ARHGAP15: variants seen among roughly 807,000 people sequenced by gnomAD.
The protein encoded by ARHGAP15 is Rho GTPase activating protein 15.
ARHGAP15 carries 51 observed loss-of-function variants against 63.7 expected under a neutral mutation model. The observed-to-expected ratio is 0.80, with a 90% CI of 0.64 to 1.01. The LOEUF (loss-of-function observed/expected upper bound fraction) is 1.01. Ranked by LOEUF, ARHGAP15 falls within the 50% of genes least tolerant of loss-of-function variation. The pLI, the probability that ARHGAP15 is intolerant of heterozygous loss-of-function variation, is 0.00. For missense variants in ARHGAP15, 560 were observed against 564.6 expected (o/e 0.99, Z 0.08); for synonymous variants, 191 against 193.8 (o/e 0.99, Z 0.12).
At chr2:143,227,793 T>A (rs1273859324) in intron 4 of ARHGAP15, among the ~76,000 whole-genome samples, 1 of 152,198 alleles carries the variant, frequency 6.6e-6, no homozygotes, top group Non-Finnish European at 1.5e-5. Flanking sequence ...TGCAATTAAT[T>A]TCTATGCATA....
intron 9 of ARHGAP15, among the ~76,000 whole-genome samples, chr2:143,515,010 T>C (rs1693748274): frequency 1.3e-5 from 2 of 152,258 alleles, no homozygotes; most frequent in South Asian, 4.1e-4. Flanking sequence ...TACGAGATGG[T>C]TCCATGGCAA....
chr2:143,343,228 C>T (rs1417312226), intron 6 of ARHGAP15, among the ~76,000 whole-genome samples: 1 of 151,970 alleles, frequency 6.6e-6, no homozygotes, highest in African/African-American at 2.4e-5. Flanking sequence ...AGTAGGAGCT[C>T]ACCATGTGGA....
rs148946445 is a variant in ARHGAP15 at position 143,519,146 on chromosome 2, C to CA, written c.827-110dup. The CA allele has an allele frequency of 7.6e-3, 4,827 of 633,694 alleles. 44 individuals carry two copies. The highest frequency in any genetic ancestry group is 0.045 in the African/African-American group (2,359 of 52,254). 39.3% of individuals were successfully genotyped at this position (633,694 alleles called of 1,614,324 possible). On this transcript the variant is annotated intron_variant, in intron 9 of 13. Transcript: ENST00000295095. Reference sequence around the variant, plus strand: ...TGCCATAGACACTATGGAAATAAAGCAAAAAAAAAATCTTATGCAAGATGA... The same window carrying CA: ...TGCCATAGACACTATGGAAATAAAGCAAAAAAAAAAATCTTATGCAAGATGA...
Position 143,510,018 on chromosome 2 carries a change from TAAA to T in ARHGAP15, c.827-9221_827-9219del, listed in dbSNP as rs35469918. 6.9e-3 allele frequency among the ~76,000 whole-genome samples: 339 copies of T among 48,798 alleles called. 2 individuals are homozygous for T. The highest frequency in any genetic ancestry group is 0.021 in the African/African-American group (271 of 12,764). The allele number at this position is 48,798 out of a possible 152,430, so 32.0% of individuals were successfully genotyped here. On this transcript the variant is annotated intron_variant, in intron 9 of 13. Coordinates refer to ENST00000295095, the MANE Select transcript of ARHGAP15 (RefSeq NM_018460.4). The stretch of plus-strand genomic sequence containing the variant: ...CTGGCGACAGAGTAAGACTCCCTCT[TAAA>T]AAAAAAAAAAAAAAAAAAAAAAAAA...
chr2:143,396,641 G>C (rs936867663), intron 6 of ARHGAP15, among the ~76,000 whole-genome samples: 2 of 151,192 alleles, frequency 1.3e-5, no homozygotes, highest in Admixed American at 1.3e-4. Flanking sequence ...AATCTAAACG[G>C]GTATCTCCAG....
intron 11 of ARHGAP15, among the ~76,000 whole-genome samples, chr2:143,622,365 AGT>A (rs1698676016): frequency 6.6e-6 from 1 of 152,084 alleles, no homozygotes; most frequent in Admixed American, 6.6e-5. Flanking sequence ...GTGGCACCAT[AGT>A]GAGAGGGACA....
intron 2 of ARHGAP15, among the ~76,000 whole-genome samples, chr2:143,194,460 A>T (rs1691806976): frequency 1.3e-5 from 2 of 152,322 alleles, no homozygotes; most frequent in South Asian, 4.1e-4. Flanking sequence ...ATCTAATACC[A>T]TTAGTAACAT....
intron 6 of ARHGAP15, among the ~76,000 whole-genome samples, chr2:143,274,033 C>T (rs977290868): frequency 3.3e-5 from 5 of 151,998 alleles, no homozygotes; most frequent in African/African-American, 9.7e-5. Flanking sequence ...CATTTGGTGG[C>T]CATCCATTTT....
Position 143,696,564 on chromosome 2 carries a change from G to A in ARHGAP15, c.1139-6855G>A, listed in dbSNP as rs1327172317. Reference sequence around the variant, plus strand: ...GACCAGAAATGGTTCTGGAAACAGTGCTAAAGGGGCCAGTGAGTTGAAGCT... The same window carrying A: ...GACCAGAAATGGTTCTGGAAACAGTACTAAAGGGGCCAGTGAGTTGAAGCT... On this transcript the variant is annotated intron_variant, in intron 12 of 13. Coordinates refer to ENST00000295095, the MANE Select transcript of ARHGAP15 (RefSeq NM_018460.4). Among the ~76,000 whole-genome samples, 3 of 152,226 alleles carry A rather than the reference G, an allele frequency of 2.0e-5. No homozygotes were observed. The East Asian group carries it at 5.8e-4, about 29-fold the overall frequency.
chr2:143,521,730 C>T (rs1694070323), intron 10 of ARHGAP15, among the ~76,000 whole-genome samples: 1 of 152,042 alleles, frequency 6.6e-6, no homozygotes, highest in Non-Finnish European at 1.5e-5. Context: ...GGGAAATGGT[C>T]TTGATACTCA....
At position 143,321,072 on chromosome 2, in the gene ARHGAP15, G is replaced by A. The variant is rs572290394; in HGVS notation, c.474+70472G>A. On this transcript the variant is annotated intron_variant, in intron 6 of 13. Transcript: ENST00000295095. ...CATGGGTACCCCTGGATGCCTGGATGCCTACCCTGGCTCTCAGGGCCCACT... is the reference window on the plus strand; with the variant it reads ...CATGGGTACCCCTGGATGCCTGGATACCTACCCTGGCTCTCAGGGCCCACT... Among the ~76,000 whole-genome samples, 10 of 152,212 alleles carry A rather than the reference G, an allele frequency of 6.6e-5. 1 individual carries two copies. The South Asian group carries it at 2.1e-3, about 32-fold the overall frequency.
intron 10 of ARHGAP15, among the ~76,000 whole-genome samples, chr2:143,554,868 A>G (rs930964392): frequency 6.6e-6 from 1 of 152,154 alleles, no homozygotes; most frequent in African/African-American, 2.4e-5. Flanking sequence ...AAGAAAAAAT[A>G]TATTGATTTT....
chr2:143,207,049 TA>T (rs1277995351), intron 3 of ARHGAP15, among the ~76,000 whole-genome samples: 3 of 151,458 alleles, frequency 2.0e-5, no homozygotes, highest in South Asian at 4.1e-4. Flanking sequence ...TATAGTTATT[TA>T]AAAAATTAAT....
At chr2:143,200,190 G>A (rs1428833947) in intron 2 of ARHGAP15, among the ~76,000 whole-genome samples, 3 of 152,074 alleles carry the variant, frequency 2.0e-5, no homozygotes, top group Non-Finnish European at 4.4e-5. Context: ...CTGTTCTCCA[G>A]GGTTTCTGGC....
chr2:143,550,490 G>C (rs922836254), intron 10 of ARHGAP15, among the ~76,000 whole-genome samples: 13 of 152,198 alleles, frequency 8.5e-5, no homozygotes, highest in African/African-American at 3.1e-4. Context: ...GTCATCACCA[G>C]CCACGTGTGG....
chr2:143,278,973 G>A (rs1036917830), intron 6 of ARHGAP15, among the ~76,000 whole-genome samples: 1 of 150,986 alleles, frequency 6.6e-6, no homozygotes, highest in Non-Finnish European at 1.5e-5. Context: ...AGAATTTAGA[G>A]GCCACTTATT....
At chr2:143,191,432 C>A (rs548649044) in intron 2 of ARHGAP15, among the ~76,000 whole-genome samples, 1 of 152,196 alleles carries the variant, frequency 6.6e-6, no homozygotes, top group African/African-American at 2.4e-5. Context: ...AATAATAGGT[C>A]ACATGTATAA....
chr2:143,259,107 A>G (rs567206581), intron 6 of ARHGAP15, among the ~76,000 whole-genome samples: 1 of 151,996 alleles, frequency 6.6e-6, no homozygotes, highest in East Asian at 1.9e-4. Context: ...CAAGCTTCTG[A>G]TATTTGAGAT....
chr2:143,477,385 C>G (rs1317206389), intron 8 of ARHGAP15, among the ~76,000 whole-genome samples: 1 of 151,162 alleles, frequency 6.6e-6, no homozygotes, highest in Non-Finnish European at 1.5e-5. Flanking sequence ...GATGATGATG[C>G]AGGATGCCTA....
Sources: gnomAD v4.1 joint callset for allele counts (sites outside exome capture counted in the v4.1 genomes callset) on GRCh38, gnomAD v4.1.1 for gene constraint, MANE v1.5 for transcripts, NCBI Gene and HGNC (gene_info 2026-07-23, HGNC 2026-07-21) for gene names.